Variants in CSMD1 observed in about 807,000 individuals in gnomAD.
CSMD1 encodes the protein CUB and sushi domain-containing protein 1.
In CSMD1, 213 loss-of-function variants were observed where a neutral mutation model predicts 417.5. That is an observed-to-expected ratio of 0.51 (90% CI 0.46 to 0.57). The LOEUF is 0.57. Among genes scored for constraint, CSMD1 ranks in the 20% least tolerant of loss-of-function variants. The pLI, the probability that CSMD1 is intolerant of heterozygous loss-of-function variation, is 0.00. For synonymous variants in CSMD1, 2,862 were observed against 1,736.8 expected (o/e 1.65, Z -16.11); for missense variants, 6,923 against 4,529.7 (o/e 1.53, Z -15.17).
intron 26 of CSMD1, among the ~76,000 whole-genome samples, chr8:3,272,447 G>GT (rs899405188): frequency 1.3e-5 from 2 of 150,544 alleles, no homozygotes; most frequent in Non-Finnish European, 3.0e-5. Context: ...CTTTAAAGTA[G>GT]TTTTTTCCAA....
At chr8:4,823,394 G>C (rs1219057018) in intron 1 of CSMD1, among the ~76,000 whole-genome samples, 2 of 151,922 alleles carry the variant, frequency 1.3e-5, no homozygotes, top group Non-Finnish European at 2.9e-5. Flanking sequence ...AATCAAAGTA[G>C]TTCATTAACT....
chr8:3,577,905 C>T (rs951492413), intron 9 of CSMD1, among the ~76,000 whole-genome samples: 4 of 152,170 alleles, frequency 2.6e-5, no homozygotes, highest in Non-Finnish European at 4.4e-5. Context: ...GTAAGTTCAG[C>T]CGTGCATGTG....
At chr8:4,159,458 C>T (rs1179784322) in intron 3 of CSMD1, among the ~76,000 whole-genome samples, 2 of 152,230 alleles carry the variant, frequency 1.3e-5, no homozygotes, top group East Asian at 1.9e-4. Context: ...GCACAATTCA[C>T]TACTGTAAAA....
chr8:4,091,436 C>T (rs1800714875), intron 3 of CSMD1, among the ~76,000 whole-genome samples: 1 of 152,058 alleles, frequency 6.6e-6, no homozygotes, highest in Admixed American at 6.5e-5. Context: ...TTATTATTTG[C>T]ACTTTTGCTC....
At chr8:3,313,324 G>T (rs113965462) in intron 23 of CSMD1, among the ~76,000 whole-genome samples, 1,941 of 152,178 alleles carry the variant, frequency 0.013, 38 homozygotes, top group African/African-American at 0.044. Flanking sequence ...CCATCAGAGT[G>T]AACAGGCAAC....
chr8:4,145,959 A>G (rs989820776), intron 3 of CSMD1, among the ~76,000 whole-genome samples: 3 of 150,768 alleles, frequency 2.0e-5, no homozygotes, highest in Non-Finnish European at 4.4e-5. Flanking sequence ...GTTTCTTGTT[A>G]CCGCTGTCAT....
At chr8:4,881,831 G>T (rs776262584) in intron 1 of CSMD1, among the ~76,000 whole-genome samples, 1 of 151,988 alleles carries the variant, frequency 6.6e-6, no homozygotes, top group Non-Finnish European at 1.5e-5. Context: ...TAAAAGCCAA[G>T]ATTCTACAAT....
intron 3 of CSMD1, among the ~76,000 whole-genome samples, chr8:4,181,055 T>A (rs1373987500): frequency 6.6e-6 from 1 of 152,190 alleles, no homozygotes; most frequent in East Asian, 1.9e-4. Flanking sequence ...CTAAAGAGTC[T>A]CCAAATATGA....
intron 26 of CSMD1, among the ~76,000 whole-genome samples, chr8:3,245,877 A>G (rs1020840675): frequency 2.6e-5 from 4 of 152,196 alleles, no homozygotes; most frequent in African/African-American, 9.6e-5. Context: ...ATTTCTTTGC[A>G]ATTTCTTAGC....
intron 1 of CSMD1, among the ~76,000 whole-genome samples, chr8:4,696,403 T>C (rs1807139140): frequency 6.6e-6 from 1 of 152,206 alleles, no homozygotes; most frequent in Admixed American, 6.5e-5. Flanking sequence ...TAACTCTTTA[T>C]CACTGAAACA....
intron 3 of CSMD1, among the ~76,000 whole-genome samples, chr8:4,291,117 C>T (rs557649148): frequency 6.6e-6 from 1 of 152,028 alleles, no homozygotes; most frequent in African/African-American, 2.4e-5. Flanking sequence ...CTAAATGTTT[C>T]TATGACAGGA....
At position 3,162,194 on chromosome 8, in the gene CSMD1, G is replaced by C; in HGVS notation, c.5809C>G (p.Leu1937Val). The change falls in exon 38 of 70, where the codon CTC (leucine) becomes GTC (valine). Residue 1937 changes from leucine to valine, a missense_variant. By Grantham distance (32) the Leu-to-Val change is conservative. Coordinates refer to ENST00000635120, the MANE Select transcript of CSMD1 (RefSeq NM_033225.6). The part of the protein sequence containing the change: ...IGDRYMVNDV[L>V]SFQCEPGYTL... ...TACCCGGGCTCGCACTGGAAGGAGA[G>C]CACGTCGTTCACCATGTACCGATCT... 6.2e-7 allele frequency: 1 copy of C among 1,610,324 alleles called. No individual in the cohort carries two copies. The highest frequency in any genetic ancestry group is 8.5e-7 in the Non-Finnish European group (1 of 1,178,370).
At chr8:3,255,516 C>T (rs1052029684) in intron 26 of CSMD1, among the ~76,000 whole-genome samples, 1 of 152,164 alleles carries the variant, frequency 6.6e-6, no homozygotes, top group African/African-American at 2.4e-5. Context: ...TGGGCTCCAC[C>T]CAGTTCGAGC....
chr8:4,342,624 G>A (rs1364618306), intron 3 of CSMD1, among the ~76,000 whole-genome samples: 1 of 151,978 alleles, frequency 6.6e-6, no homozygotes, highest in East Asian at 1.9e-4. Context: ...TGATTCACAT[G>A]CAGACATTCT....
intron 1 of CSMD1, among the ~76,000 whole-genome samples, chr8:4,719,603 G>A (rs1490948205): frequency 6.6e-6 from 1 of 151,612 alleles, no homozygotes; most frequent in Non-Finnish European, 1.5e-5. Context: ...CTTTGGGATG[G>A]TAAGGTCAAT....
chr8:4,268,259 C>T (rs11985095), intron 3 of CSMD1, among the ~76,000 whole-genome samples: 1 of 152,130 alleles, frequency 6.6e-6, no homozygotes, highest in Non-Finnish European at 1.5e-5. Flanking sequence ...CATTCAAATA[C>T]TAATTGAGTT....
chr8:4,588,975 C>T (rs1388483641), intron 2 of CSMD1, among the ~76,000 whole-genome samples: 1 of 151,920 alleles, frequency 6.6e-6, no homozygotes, highest in Middle Eastern at 3.2e-3. Flanking sequence ...GTACAATATA[C>T]TATATATAAT....
chr8:4,466,160 A>T lies in CSMD1; in HGVS notation c.303-46095T>A, dbSNP rs113980780. On this transcript the variant is annotated intron_variant, in intron 2 of 69. Transcript: ENST00000635120. ...GAATGAAATATTGTGAGAGAGTCTT[A>T]CTCCGTGGTCTTAAGAGCTGTTTAA... 7.5e-3 allele frequency among the ~76,000 whole-genome samples: 1,149 copies of T among 152,210 alleles called. 16 individuals are homozygous for T. Among genetic ancestry groups the T allele is most frequent in the African/African-American group, 0.026 (1,065 of 41,522 alleles).
chr8:3,087,555 C>T (rs921481796), intron 48 of CSMD1, among the ~76,000 whole-genome samples: 6 of 152,158 alleles, frequency 3.9e-5, no homozygotes, highest in African/African-American at 1.2e-4. Context: ...CAAGAGTATC[C>T]AATCTTTAGG....
Sources: allele counts gnomAD v4.1 joint callset (sites outside exome capture counted in the v4.1 genomes callset), GRCh38; gene constraint gnomAD v4.1.1; transcripts MANE v1.5; gene names NCBI Gene and HGNC (gene_info 2026-07-23, HGNC 2026-07-21).